The following TNFRSF11A variants were observed in gnomAD, a reference collection of about 807,000 sequenced individuals.
The protein encoded by TNFRSF11A is TNF receptor superfamily member 11a, also known as tumor necrosis factor receptor superfamily member 11A.
A neutral mutation model predicts 55.7 loss-of-function variants in TNFRSF11A; 32 were observed. The observed-to-expected ratio is 0.57, with a 90% CI of 0.43 to 0.77. The LOEUF (loss-of-function observed/expected upper bound fraction) is 0.77, where lower values mean the gene tolerates loss of function less well. Among genes scored for constraint, TNFRSF11A ranks in the 30% least tolerant of loss-of-function variants. The pLI, the probability that TNFRSF11A is intolerant of heterozygous loss-of-function variation, is 0.00. For missense variants in TNFRSF11A, 753 were observed against 809.8 expected, an observed-to-expected ratio of 0.93 and a Z score of 0.85; for synonymous variants, 311 against 331.0, an observed-to-expected ratio of 0.94 and a Z score of 0.65.
intron 9 of TNFRSF11A, among the ~76,000 whole-genome samples, chr18:62,379,178 C>A (rs1467534722): frequency 6.6e-6 from 1 of 152,184 alleles, no homozygotes; most frequent in East Asian, 1.9e-4. Context: ...AGGGCTTAGT[C>A]AATTCTGTAT....
rs551433258 is a variant in TNFRSF11A, at chr18:62,365,590, G to T, written c.731-1118G>T. On this transcript the variant is annotated intron_variant, in intron 7 of 9. Transcript: ENST00000586569. ...CCAGTCTCCTAGACATGTTTTCTTT[G>T]TTCTTCTATGATGTCTAACTTAGTC... Among the ~76,000 whole-genome samples, 68 of 152,138 alleles carry T rather than the reference G, an allele frequency of 4.5e-4. 1 individual carries two copies. The South Asian group carries it at 0.012, about 26-fold the overall frequency.
intron 1 of TNFRSF11A, among the ~76,000 whole-genome samples, chr18:62,341,915 C>T (rs1452191747): frequency 7.9e-6 from 1 of 126,062 alleles, no homozygotes; most frequent in Admixed American, 1.0e-4. Context: ...AGGCATTCTT[C>T]TCTCCGGGTC....
At chr18:62,360,112 C>G (rs544565570) in intron 6 of TNFRSF11A, 63 bp downstream of exon 6, 24 of 1,390,010 alleles carry the variant, frequency 1.7e-5, no homozygotes, top group Admixed American at 3.4e-5. Flanking sequence ...TGGTTTAGAT[C>G]CCTCCCAGAT....
intron 7 of TNFRSF11A, 70 bp downstream of exon 7, chr18:62,361,863 T>A: frequency 7.4e-7 from 1 of 1,347,804 alleles, no homozygotes; most frequent in African/African-American, 1.4e-5. Flanking sequence ...GCTTTGGAAG[T>A]TGAGTAGATT....
intron 1 of TNFRSF11A, among the ~76,000 whole-genome samples, chr18:62,333,231 G>T (rs1016441384): frequency 3.9e-5 from 6 of 152,178 alleles, no homozygotes; most frequent in African/African-American, 1.4e-4. Context: ...CCTGAAGCCA[G>T]GGGTTCTCCA....
chr18:62,360,711 T>C (rs1909621791), intron 6 of TNFRSF11A, among the ~76,000 whole-genome samples: 1 of 152,142 alleles, frequency 6.6e-6, no homozygotes, highest in African/African-American at 2.4e-5. Flanking sequence ...TCTCCCAAAG[T>C]GCTAGGATTA....
At chr18:62,364,578 G>A (rs1381683793) in intron 7 of TNFRSF11A, among the ~76,000 whole-genome samples, 1 of 152,138 alleles carries the variant, frequency 6.6e-6, no homozygotes, top group African/African-American at 2.4e-5. Context: ...AGTGCCATTT[G>A]TGATTGTCTA....
chr18:62,343,837 A>G (rs1395981976), intron 1 of TNFRSF11A, among the ~76,000 whole-genome samples: 3 of 152,252 alleles, frequency 2.0e-5, no homozygotes, highest in Non-Finnish European at 2.9e-5. Context: ...AATATTTGCT[A>G]TGAACAGACT....
chr18:62,326,698 C>G (rs1364876238), intron 1 of TNFRSF11A, among the ~76,000 whole-genome samples: 1 of 152,168 alleles, frequency 6.6e-6, no homozygotes, highest in Admixed American at 6.5e-5. Flanking sequence ...ACAACAAATG[C>G]TATCAAAATA....
intron 1 of TNFRSF11A, among the ~76,000 whole-genome samples, chr18:62,328,987 G>A (rs2145231649): frequency 6.6e-6 from 1 of 152,254 alleles, no homozygotes; most frequent in African/African-American, 2.4e-5. Context: ...TGTTTTATGA[G>A]GACATGAAAA....
At chr18:62,357,524 C>T (rs534929536) in intron 4 of TNFRSF11A, among the ~76,000 whole-genome samples, 4 of 152,312 alleles carry the variant, frequency 2.6e-5, no homozygotes, top group East Asian at 1.9e-4. Flanking sequence ...AACACACCCT[C>T]GTGCATTGCT....
At chr18:62,371,594 T>C (rs1910554424) in intron 9 of TNFRSF11A, among the ~76,000 whole-genome samples, 1 of 152,200 alleles carries the variant, frequency 6.6e-6, no homozygotes, top group Admixed American at 6.6e-5. Flanking sequence ...TGCTTAGCCA[T>C]GCAAAACATC....
rs116696992 is a variant in TNFRSF11A, at chr18:62,330,040, G to A, written c.75+4613G>A. ...TCACTGCTTGCAGGCCACAGCATTC[G>A]ATAATGAGAAAATAAACCTGAATTT... is the stretch of plus-strand genomic sequence containing the variant. On this transcript the variant is annotated intron_variant, in intron 1 of 9. Transcript: ENST00000586569. 3.4e-3 allele frequency among the ~76,000 whole-genome samples: 521 copies of A among 152,274 alleles called. 3 individuals are homozygous for A. Among genetic ancestry groups the A allele is most frequent in the African/African-American group, 0.012 (494 of 41,548 alleles).
intron 3 of TNFRSF11A, among the ~76,000 whole-genome samples, chr18:62,353,120 A>C (rs2046497814): frequency 6.6e-6 from 1 of 152,208 alleles, no homozygotes; most frequent in Admixed American, 6.5e-5. Flanking sequence ...CACCGTGAAC[A>C]CTGAATTAGC....
chr18:62,347,690 A>G (rs1350873891), intron 1 of TNFRSF11A, among the ~76,000 whole-genome samples: 1 of 152,128 alleles, frequency 6.6e-6, no homozygotes, highest in Non-Finnish European at 1.5e-5. Flanking sequence ...AGGCGGGTGG[A>G]TCACCTGAGG....
At chr18:62,333,951 G>A (rs769865335) in intron 1 of TNFRSF11A, among the ~76,000 whole-genome samples, 5 of 151,442 alleles carry the variant, frequency 3.3e-5, no homozygotes, top group Non-Finnish European at 5.9e-5. Context: ...TGCAACCTCC[G>A]CCTCCCCCAT....
chr18:62,381,837 T>C (rs1389018137), intron 9 of TNFRSF11A, among the ~76,000 whole-genome samples: 3 of 152,174 alleles, frequency 2.0e-5, no homozygotes, highest in Non-Finnish European at 1.5e-5. Context: ...TTCCATGTAC[T>C]TTTTAGTTTT....
intron 9 of TNFRSF11A, among the ~76,000 whole-genome samples, chr18:62,375,847 A>G (rs981046177): frequency 1.3e-5 from 2 of 152,064 alleles, no homozygotes; most frequent in African/African-American, 4.8e-5. Flanking sequence ...AATTTAAAAA[A>G]AATTAGCCAG....
At chr18:62,332,979 G>C (rs1428618550) in intron 1 of TNFRSF11A, among the ~76,000 whole-genome samples, 1 of 152,170 alleles carries the variant, frequency 6.6e-6, no homozygotes, top group African/African-American at 2.4e-5. Context: ...AGTTCCGAGT[G>C]GAGAATCGGG....
Sources: allele counts gnomAD v4.1 joint callset (sites outside exome capture counted in the v4.1 genomes callset), GRCh38; gene constraint gnomAD v4.1.1; transcripts MANE v1.5; gene names NCBI Gene and HGNC (gene_info 2026-07-23, HGNC 2026-07-21).